The following TRHDE variants were observed in gnomAD, a reference collection of about 807,000 sequenced individuals.
The protein encoded by TRHDE is thyrotropin releasing hormone degrading enzyme, also known as thyrotropin-releasing hormone-degrading ectoenzyme.
In TRHDE, 72 loss-of-function variants were observed where a neutral mutation model predicts 125.7. That is an observed-to-expected ratio of 0.57 (90% CI 0.47 to 0.70). TRHDE has a LOEUF of 0.70. Ranked by LOEUF, TRHDE falls within the 30% of genes least tolerant of loss-of-function variation. The probability of loss-of-function intolerance (pLI) is 0.00; values close to 1 mark genes in which losing one functional copy is unlikely to be tolerated. For missense variants in TRHDE, 1,110 were observed against 1,327.1 expected, an observed-to-expected ratio of 0.84 and a Z score of 2.54; for synonymous variants, 509 against 509.1, an observed-to-expected ratio of 1.00 and a Z score of 0.00.
chr12:72,541,742 C>T (rs1358313980), intron 6 of TRHDE, among the ~76,000 whole-genome samples: 1 of 151,298 alleles, frequency 6.6e-6, no homozygotes, highest in Non-Finnish European at 1.5e-5. Context: ...GAGCAGAGAG[C>T]TGAAATATTC....
At chr12:72,171,858 A>G (rs774600808) in intron 2 of TRHDE, among the ~76,000 whole-genome samples, 4 of 152,134 alleles carry the variant, frequency 2.6e-5, no homozygotes. Context: ...TTGCTCACCA[A>G]TCTTCCAGCT....
intron 2 of TRHDE, among the ~76,000 whole-genome samples, chr12:72,158,088 C>A (rs1876557201): frequency 6.6e-6 from 1 of 152,074 alleles, no homozygotes; most frequent in Admixed American, 6.6e-5. Flanking sequence ...ATGTAAAGTT[C>A]ACAATGTTCA....
chr12:72,272,666 G>C lies in TRHDE; in HGVS notation c.23G>C (p.Gly8Ala). The C allele has an allele frequency of 8.0e-7, 1 of 1,255,770 alleles. No homozygotes were observed. Among genetic ancestry groups the C allele is most frequent in the Non-Finnish European group, 1.1e-6 (1 of 940,820 alleles). 77.8% of individuals were successfully genotyped at this position (1,255,770 alleles called of 1,614,324 possible). A position where few individuals can be genotyped will look rare whatever the true frequency, so the allele number is the denominator to read the frequency against. Reference sequence around the variant, plus strand: ...GTGATGGCCCTGGACGGCGAGCTGGGGGAGCAAGAGGAGGAGAAGAAAAAG... The same window carrying C: ...GTGATGGCCCTGGACGGCGAGCTGGCGGAGCAAGAGGAGGAGAAGAAAAAG... MALDGEL[G>A]EQEEEKKKKK... The change falls in exon 1 of 19, where the codon GGG becomes GCG. Residue 8 changes from glycine to alanine, a missense_variant. Physicochemically the swap from Gly to Ala is moderately conservative, Grantham distance 60 (BLOSUM62 0). Coordinates refer to ENST00000261180, the MANE Select transcript of TRHDE (RefSeq NM_013381.3). This position sits in a 1 kb window ranked among gnomAD's most constrained non-coding sequence, Gnocchi z 6.7.
intron 2 of TRHDE, among the ~76,000 whole-genome samples, chr12:72,333,577 C>T (rs1466667586): frequency 6.6e-6 from 1 of 152,154 alleles, no homozygotes; most frequent in Non-Finnish European, 1.5e-5. Flanking sequence ...GATAGGAACC[C>T]AGGAGATAGA....
chr12:72,491,069 T>C lies in TRHDE; in HGVS notation c.1585-8429T>C, dbSNP rs1877657190. ...CTTCACTATAGTAACTATTTTACTATCTATGTATATCCCATGTTATGTTGT... is the reference window on the plus strand; with the variant it reads ...CTTCACTATAGTAACTATTTTACTACCTATGTATATCCCATGTTATGTTGT... On this transcript the variant is annotated intron_variant, in intron 5 of 18. Coordinates refer to ENST00000261180, the MANE Select transcript of TRHDE (RefSeq NM_013381.3). Among the ~76,000 whole-genome samples, 10 of 151,598 alleles carry C rather than the reference T, an allele frequency of 6.6e-5. No homozygotes were observed. The South Asian group carries it at 2.1e-3, about 32-fold the overall frequency.
At chr12:72,410,898 A>T (rs1873469975) in intron 3 of TRHDE, among the ~76,000 whole-genome samples, 2 of 152,178 alleles carry the variant, frequency 1.3e-5, no homozygotes, top group East Asian at 1.9e-4. Flanking sequence ...TTTGAGATTA[A>T]AAACAACATA....
chr12:72,555,583 C>A (rs781692223), intron 7 of TRHDE, among the ~76,000 whole-genome samples: 17 of 151,964 alleles, frequency 1.1e-4, no homozygotes, highest in Non-Finnish European at 2.1e-4. Flanking sequence ...CTCATTTTTA[C>A]TTAATCTTAA....
chr12:72,647,731 G>C (rs1391877477), intron 15 of TRHDE, among the ~76,000 whole-genome samples: 2 of 152,048 alleles, frequency 1.3e-5, no homozygotes, highest in Non-Finnish European at 2.9e-5. Flanking sequence ...TGAAGAATTG[G>C]CAAGTCTGTA....
chr12:72,096,106 C>A (rs1457412776), intron 1 of TRHDE, among the ~76,000 whole-genome samples: 2 of 146,090 alleles, frequency 1.4e-5, no homozygotes, highest in Non-Finnish European at 3.0e-5. Context: ...TGAGCTGATT[C>A]CTTAAGATAA....
intron 2 of TRHDE, among the ~76,000 whole-genome samples, chr12:72,363,059 G>C (rs925646911): frequency 6.6e-6 from 1 of 151,902 alleles, no homozygotes; most frequent in Non-Finnish European, 1.5e-5. Flanking sequence ...CTCTTTTTTG[G>C]TTCCATATGA....
chr12:72,188,486 T>C (rs761119736), intron 2 of TRHDE, among the ~76,000 whole-genome samples: 6 of 152,192 alleles, frequency 3.9e-5, no homozygotes, highest in Non-Finnish European at 8.8e-5. Context: ...CTGTACCAAG[T>C]AGAGTTGGGA....
chr12:72,164,339 C>T (rs963492000), intron 2 of TRHDE, among the ~76,000 whole-genome samples: 2 of 152,074 alleles, frequency 1.3e-5, no homozygotes, highest in African/African-American at 4.8e-5. Context: ...CCTCGATAGG[C>T]GGAAGGGTAA....
chr12:72,625,867 G>A (rs1873237822), intron 15 of TRHDE, among the ~76,000 whole-genome samples: 2 of 151,740 alleles, frequency 1.3e-5, no homozygotes, highest in African/African-American at 4.8e-5. Context: ...GTTCAAATAT[G>A]GTAAAATAAA....
rs748121212 is a variant in TRHDE at position 72,273,537 on chromosome 12, T to C, written c.894T>C (p.Tyr298=). 10 of 1,601,328 alleles carry C rather than the reference T, an allele frequency of 6.2e-6. No homozygotes were observed. The highest frequency in any genetic ancestry group is 1.7e-4 in the Middle Eastern group (1 of 6,036). ...NELLGFFRSS[Y]VLHGERRFLG... ...TCCTGGGCTTCTTCCGCAGCTCCTA[T>C]GTGCTCCACGGGGAGAGAAGGTATG... is the stretch of plus-strand genomic sequence containing the variant. Residue 298 remains tyrosine, a synonymous_variant, in exon 1 of 19, where the codon TAT becomes TAC. Coordinates refer to ENST00000261180, the MANE Select transcript of TRHDE (RefSeq NM_013381.3). The surrounding 1 kb of genome is among the most constrained non-coding windows in gnomAD (Gnocchi z 5.3).
intron 3 of TRHDE, among the ~76,000 whole-genome samples, chr12:72,456,957 T>C (rs750322582): frequency 6.6e-6 from 1 of 152,162 alleles, no homozygotes; most frequent in Non-Finnish European, 1.5e-5. Flanking sequence ...TCAGAAACTC[T>C]TCTGTGAAAA....
intron 3 of TRHDE, among the ~76,000 whole-genome samples, chr12:72,420,031 T>C (rs1873887059): frequency 6.6e-6 from 1 of 152,172 alleles, no homozygotes; most frequent in Non-Finnish European, 1.5e-5. Flanking sequence ...AATTTTACAA[T>C]ACATTATTTC....
chr12:72,637,626 C>A (rs970179079), intron 15 of TRHDE, among the ~76,000 whole-genome samples: 1 of 152,076 alleles, frequency 6.6e-6, no homozygotes, highest in Non-Finnish European at 1.5e-5. Flanking sequence ...TTCCTGCTTT[C>A]TCTTGTGGGC....
At chr12:72,247,891 A>G (rs1878603009) in intron 2 of TRHDE, among the ~76,000 whole-genome samples, 1 of 152,118 alleles carries the variant, frequency 6.6e-6, no homozygotes, top group Non-Finnish European at 1.5e-5. Context: ...GTATCTATGT[A>G]TTTATGTATC....
intron 1 of TRHDE, among the ~76,000 whole-genome samples, chr12:72,095,454 G>T (rs900724120): frequency 1.3e-5 from 2 of 152,092 alleles, no homozygotes. Flanking sequence ...GAGTTAGAAG[G>T]TACCATAGAG....
Sources: gnomAD v4.1 joint callset for allele counts (sites outside exome capture counted in the v4.1 genomes callset) on GRCh38, gnomAD v4.1.1 for gene constraint, Gnocchi (gnomAD v3.1) non-coding constraint, MANE v1.5 for transcripts, NCBI Gene and HGNC (gene_info 2026-07-23, HGNC 2026-07-21) for gene names.